BMF: variants seen among roughly 807,000 people sequenced by gnomAD.
BMF encodes Bcl2 modifying factor, also known as bcl-2-modifying factor.
A neutral mutation model predicts 22.0 loss-of-function variants in BMF; 10 were observed. The ratio of observed to expected loss-of-function variants is 0.45; its 90% CI spans 0.28 to 0.77. BMF has a LOEUF of 0.77. Ranked by LOEUF, BMF falls within the 30% of genes least tolerant of loss-of-function variation. The pLI is 0.13. For missense variants in BMF, 206 were observed against 226.8 expected, an observed-to-expected ratio of 0.91 and a Z score of 0.59; for synonymous variants, 87 against 88.1, an observed-to-expected ratio of 0.99 and a Z score of 0.07.
chr15:40,101,652 C>G (rs903814944), intron 4 of BMF, among the ~76,000 whole-genome samples: 3 of 152,196 alleles, frequency 2.0e-5, no homozygotes, highest in African/African-American at 7.2e-5. Context: ...GAAAATGACT[C>G]ACTTCTCAAA....
intron 3 of BMF, among the ~76,000 whole-genome samples, chr15:40,104,779 G>T (rs1041912614): frequency 3.3e-5 from 5 of 152,196 alleles, no homozygotes; most frequent in Non-Finnish European, 5.9e-5. Flanking sequence ...AAATCAAAAA[G>T]TGTCTTCACT....
rs544313187 is a variant in BMF, at chr15:40,089,738, G to A, written c.*2049C>T. The A allele has an allele frequency of 6.6e-5, 10 of 152,210 alleles. No individual in the cohort carries two copies. Among genetic ancestry groups the A allele is most frequent in the African/African-American group, 1.9e-4 (8 of 41,446 alleles). 9.4% of individuals were successfully genotyped at this position (152,210 alleles called of 1,614,324 possible). ...TTTGGTGTGTGCCACTGAAGCATAC[G>A]GCAGCAGGCTGCCTGTCACCACCTT... On this transcript the variant is annotated 3_prime_UTR_variant, in exon 5 of 5. Transcript: ENST00000354670.
At chr15:40,100,608 C>T (rs769110470) in intron 4 of BMF, among the ~76,000 whole-genome samples, 6 of 152,204 alleles carry the variant, frequency 3.9e-5, no homozygotes, top group Non-Finnish European at 7.3e-5. Flanking sequence ...CTTCTGCCTC[C>T]GGTTTTTTGC....
Position 40,088,618 on chromosome 15 carries a change from T to C in BMF, c.*3169A>G, listed in dbSNP as rs905864715. The stretch of plus-strand genomic sequence containing the variant: ...TTCCTGGGAGGCCCTGGCTGAACCA[T>C]CCCGAATAACCCCCAGGCAGGGGCC... On this transcript the variant is annotated 3_prime_UTR_variant, in exon 5 of 5. Coordinates refer to ENST00000354670, the MANE Select transcript of BMF (RefSeq NM_001003940.2). 4 of 152,410 alleles carry C rather than the reference T, an allele frequency of 2.6e-5. No individual in the cohort carries two copies. The East Asian group carries it at 7.7e-4, about 29-fold the overall frequency. The allele number at this position is 152,410 out of a possible 1,614,324, so 9.4% of individuals were successfully genotyped here.
In BMF at chr15:40,088,145, G is replaced by C. The variant is rs558823242; in HGVS notation, c.*3642C>G. 3 of 152,766 alleles carry C rather than the reference G, an allele frequency of 2.0e-5. No individual in the cohort carries two copies. In the South Asian group the frequency reaches 6.2e-4, roughly 32 times the overall value. The allele number at this position is 152,766 out of a possible 1,614,324, so 9.5% of individuals were successfully genotyped here. ...CGATAGCCCCTGTGGATCCAGGGAT[G>C]GGGTAGAAGGCTAGCAATGCTCCCA... is the stretch of plus-strand genomic sequence containing the variant. On this transcript the variant is annotated 3_prime_UTR_variant, in exon 5 of 5. Coordinates refer to ENST00000354670, the MANE Select transcript of BMF (RefSeq NM_001003940.2).
At chr15:40,108,427 G>C (rs1266878357) in intron 1 of BMF, 41 bp from the exon 2 acceptor site, 1 of 152,778 alleles carries the variant, frequency 6.5e-6, no homozygotes, top group Non-Finnish European at 1.5e-5. Context: ...AGAGAGGCAG[G>C]ATGCCCCACA....
intron 3 of BMF, among the ~76,000 whole-genome samples, chr15:40,105,057 G>C (rs1324918944): frequency 6.6e-6 from 1 of 152,148 alleles, no homozygotes; most frequent in Non-Finnish European, 1.5e-5. Flanking sequence ...GAACTGCTTT[G>C]CCAGAACTGC....
Position 40,108,865 on chromosome 15 carries a change from T to G in BMF, c.-226A>C, listed in dbSNP as rs2036640416. 2.0e-5 allele frequency: 3 copies of G among 153,096 alleles called. No individual in the cohort carries two copies. The highest frequency in any genetic ancestry group is 2.4e-5 in the African/African-American group (1 of 41,402). The allele number at this position is 153,096 out of a possible 1,614,324, so 9.5% of individuals were successfully genotyped here. On this transcript the variant is annotated 5_prime_UTR_variant, in exon 1 of 5. Transcript: ENST00000354670. ...GAGGAGGCCACTCCGCACGGTGCGG[T>G]ATTGTTTCCAAAATACGCCTGCTCG... is the stretch of plus-strand genomic sequence containing the variant.
chr15:40,095,549 G>A (rs910240176), intron 4 of BMF, among the ~76,000 whole-genome samples: 5 of 152,138 alleles, frequency 3.3e-5, no homozygotes, highest in African/African-American at 9.7e-5. Flanking sequence ...GATCAACAAG[G>A]GCAGATCCCC....
intron 4 of BMF, among the ~76,000 whole-genome samples, chr15:40,095,648 C>G (rs518773): frequency 1 from 152,046 of 152,250 alleles, 75,921 homozygotes; most frequent in Middle Eastern, 1. Context: ...ACCCAAGGGT[C>G]GGGGCTGGGA....
chr15:40,107,440 A>G (rs2036610606), intron 2 of BMF, among the ~76,000 whole-genome samples: 1 of 151,870 alleles, frequency 6.6e-6, no homozygotes, highest in African/African-American at 2.4e-5. Context: ...TGAGCTGTCT[A>G]TGGTCCTGTC....
At chr15:40,094,649 C>A (rs967313400) in intron 4 of BMF, among the ~76,000 whole-genome samples, 1 of 152,206 alleles carries the variant, frequency 6.6e-6, no homozygotes, top group Admixed American at 6.5e-5. Flanking sequence ...AGTATAGAGT[C>A]TCCAGGCCTC....
At chr15:40,103,325 T>C (rs1255513019) in intron 4 of BMF, among the ~76,000 whole-genome samples, 1 of 152,234 alleles carries the variant, frequency 6.6e-6, no homozygotes. Context: ...CCAGCACGGA[T>C]GCAGCCTCAG....
chr15:40,092,924 G>C (rs1480251648), intron 4 of BMF, among the ~76,000 whole-genome samples: 1 of 152,206 alleles, frequency 6.6e-6, no homozygotes, highest in Non-Finnish European at 1.5e-5. Flanking sequence ...GCAGAAAGGA[G>C]CCAGCACGGG....
chr15:40,094,766 T>C (rs778652574), intron 4 of BMF, among the ~76,000 whole-genome samples: 26 of 152,346 alleles, frequency 1.7e-4, no homozygotes, highest in Non-Finnish European at 2.9e-4. Flanking sequence ...TATTGTATAT[T>C]TTAATCATAA....
chr15:40,107,222 A>C (rs2036605536), intron 2 of BMF, among the ~76,000 whole-genome samples: 1 of 152,218 alleles, frequency 6.6e-6, no homozygotes, highest in Non-Finnish European at 1.5e-5. Context: ...GGATAAAAAG[A>C]GATGAATTTC....
intron 4 of BMF, among the ~76,000 whole-genome samples, chr15:40,092,229 C>G (rs1567030535): frequency 1.3e-5 from 2 of 152,224 alleles, no homozygotes; most frequent in African/African-American, 4.8e-5. Context: ...CCGAGCCCCT[C>G]AAACCTCAGC....
At chr15:40,097,062 T>C (rs2036376779) in intron 4 of BMF, among the ~76,000 whole-genome samples, 1 of 152,216 alleles carries the variant, frequency 6.6e-6, no homozygotes, top group Admixed American at 6.5e-5. Context: ...AGCCTTGCAA[T>C]TAAGAACAGG....
chr15:40,097,060 A>C (rs2036376645), intron 4 of BMF, among the ~76,000 whole-genome samples: 1 of 152,226 alleles, frequency 6.6e-6, no homozygotes, highest in Non-Finnish European at 1.5e-5. Flanking sequence ...AGAGCCTTGC[A>C]ATTAAGAACA....
Sources: allele counts gnomAD v4.1 joint callset (sites outside exome capture counted in the v4.1 genomes callset), GRCh38; gene constraint gnomAD v4.1.1; transcripts MANE v1.5; gene names NCBI Gene and HGNC (gene_info 2026-07-23, HGNC 2026-07-21).